Variants in MYO6 observed in about 807,000 individuals in gnomAD.
The protein encoded by MYO6 is myosin VI, also known as unconventional myosin-VI.
In MYO6, 74 loss-of-function variants were observed where a neutral mutation model predicts 178.7. That is an observed-to-expected ratio of 0.41 (90% CI 0.34 to 0.50). The LOEUF (loss-of-function observed/expected upper bound fraction) is 0.50, where lower values mean the gene tolerates loss of function less well. Ranked by LOEUF, MYO6 falls within the 20% of genes least tolerant of loss-of-function variation. The pLI, the probability that MYO6 is intolerant of heterozygous loss-of-function variation, is 0.09. For synonymous variants in MYO6, 477 were observed against 504.6 expected, an observed-to-expected ratio of 0.95 and a Z score of 0.73; for missense variants, 1,330 against 1,547.4, an observed-to-expected ratio of 0.86 and a Z score of 2.36.
intron 16 of MYO6, among the ~76,000 whole-genome samples, chr6:75,863,905 A>C (rs1363901514): frequency 1.3e-5 from 2 of 152,106 alleles, no homozygotes; most frequent in African/African-American, 4.8e-5. Flanking sequence ...CCTCTTCTGA[A>C]CCTGTCTTTT....
chr6:75,911,594 C>A, intron 32 of MYO6, 78 bp from the exon 33 acceptor site: 1 of 1,274,144 alleles, frequency 7.8e-7, no homozygotes, highest in South Asian at 1.2e-5. Context: ...GATTGGAAGG[C>A]TTTATAAATT....
chr6:75,911,693 A>G lies in MYO6; in HGVS notation c.3434A>G (p.Asn1145Ser). 1 of 1,612,238 alleles carries G rather than the reference A, an allele frequency of 6.2e-7. No homozygotes were observed. Among genetic ancestry groups the G allele is most frequent in the Non-Finnish European group, 8.5e-7 (1 of 1,178,546 alleles). ...ACAGATTTTGCACCATTTTTGAACA[A>G]TTCACGTAAGTCAATGGGTGGTAAC... Reference protein sequence around the residue: ...TDYDFAPFLNNSPQQNPAAQI... With the variant: ...TDYDFAPFLNSSPQQNPAAQI... The change falls in exon 33 of 35, where the codon AAT (asparagine) becomes AGT (serine). Residue 1145 changes from asparagine (N) to serine (S), a missense_variant. Asn to Ser is a conservative substitution (Grantham distance 46). Coordinates refer to ENST00000369977, the MANE Select transcript of MYO6 (RefSeq NM_004999.4).
chr6:75,894,129 A>G (rs1779114909), intron 28 of MYO6, among the ~76,000 whole-genome samples: 2 of 152,190 alleles, frequency 1.3e-5, no homozygotes, highest in African/African-American at 4.8e-5. Flanking sequence ...CTCATCATCA[A>G]GCTTTATATT....
chr6:75,784,776 CAAAAAAAAAA>C (rs754218278), intron 1 of MYO6, among the ~76,000 whole-genome samples: 2 of 54,408 alleles, frequency 3.7e-5, no homozygotes, highest in East Asian at 5.0e-4. Context: ...GACTCCGTCT[CAAAAAAAAAA>C]AAAAAAAAAA....
intron 6 of MYO6, among the ~76,000 whole-genome samples, chr6:75,834,440 C>T (rs1360182746): frequency 6.6e-6 from 1 of 152,128 alleles, no homozygotes; most frequent in Non-Finnish European, 1.5e-5. Context: ...GCTATGTTGT[C>T]CAGGCTGGTG....
At position 75,881,709 on chromosome 6, in the gene MYO6, C is replaced by G. The variant is rs1778042564; in HGVS notation, c.2307C>G (p.Ile769Met). Residue 769 changes from isoleucine to methionine, a missense_variant, in exon 23 of 35, where the codon ATC becomes ATG. By Grantham distance (10) the Ile-to-Met change is conservative (BLOSUM62 1). Coordinates refer to ENST00000369977, the MANE Select transcript of MYO6 (RefSeq NM_004999.4). ...CCTAGTTTGCAGAATTTGATCAGAT[C>G]ATGAAGTCTGACCCTGACCACTTAG... is the stretch of plus-strand genomic sequence containing the variant. Reference protein sequence around the residue: ...RPGKFAEFDQIMKSDPDHLAE... With the variant: ...RPGKFAEFDQMMKSDPDHLAE... 2 of 1,613,680 alleles carry G rather than the reference C, an allele frequency of 1.2e-6. No homozygotes were observed. The highest frequency in any genetic ancestry group is 1.7e-6 in the Non-Finnish European group (2 of 1,179,784).
chr6:75,767,539 T>TG (rs1778538959), intron 1 of MYO6, among the ~76,000 whole-genome samples: 1 of 149,022 alleles, frequency 6.7e-6, no homozygotes, highest in East Asian at 1.9e-4. Flanking sequence ...TTTTTTTTTT[T>TG]GAGGCAGAGT....
In MYO6 at chr6:75,915,303, T is replaced by G. The variant is rs185862455; in HGVS notation, c.*291T>G. 6.8e-6 allele frequency: 3 copies of G among 440,154 alleles called. No homozygotes were observed. The highest frequency in any genetic ancestry group is 7.2e-5 in the Admixed American group (2 of 27,828). 27.3% of individuals were successfully genotyped at this position (440,154 alleles called of 1,614,324 possible). On this transcript the variant is annotated 3_prime_UTR_variant, in exon 35 of 35. Coordinates refer to ENST00000369977, the MANE Select transcript of MYO6 (RefSeq NM_004999.4). ...CTCATCCTTTGCCAGAAGACTACCT[T>G]ACATCCATCGTAATTGTTCTCTAGG... is the stretch of plus-strand genomic sequence containing the variant.
intron 1 of MYO6, among the ~76,000 whole-genome samples, chr6:75,787,935 T>A (rs916645437): frequency 6.6e-6 from 1 of 150,454 alleles, no homozygotes; most frequent in Non-Finnish European, 1.5e-5. Context: ...AATTTTTATG[T>A]CTTTTGTAGA....
rs371944427 is a variant in MYO6, at chr6:75,862,680, C to T, written c.1631C>T (p.Thr544Ile). The T allele has an allele frequency of 5.9e-5, 95 of 1,613,984 alleles. No homozygotes were observed. Among genetic ancestry groups the T allele is most frequent in the Admixed American group, 2.0e-4 (12 of 60,002 alleles). ...CCCCAGCCAAGTGATCAACACTTTACATCTGCAGTTCACCAAAAGCACAAG... is the reference window on the plus strand; with the variant it reads ...CCCCAGCCAAGTGATCAACACTTTATATCTGCAGTTCACCAAAAGCACAAG... ...RLPQPSDQHF[T>I]SAVHQKHKDH... The change falls in exon 16 of 35, where the codon ACA becomes ATA. Residue 544 changes from threonine to isoleucine, a missense_variant. Around this residue, in one of 3 missense-constraint regions of MYO6, gnomAD observed 613 missense variants for 816.8 expected, o/e 0.75. Coordinates refer to ENST00000369977, the MANE Select transcript of MYO6 (RefSeq NM_004999.4).
At chr6:75,773,299 C>T (rs954404905) in intron 1 of MYO6, among the ~76,000 whole-genome samples, 7 of 152,194 alleles carry the variant, frequency 4.6e-5, no homozygotes. Context: ...ACACTCAACT[C>T]TGCAGCTGAA....
At chr6:75,908,919 A>T (rs1780553827) in intron 32 of MYO6, among the ~76,000 whole-genome samples, 1 of 152,234 alleles carries the variant, frequency 6.6e-6, no homozygotes, top group East Asian at 1.9e-4. Flanking sequence ...ACACGTGCAC[A>T]CACTCACAAG....
chr6:75,864,117 G>T (rs559332537), intron 16 of MYO6, among the ~76,000 whole-genome samples: 1 of 152,242 alleles, frequency 6.6e-6, no homozygotes, highest in Non-Finnish European at 1.5e-5. Flanking sequence ...AAGAAAAGCC[G>T]TTTAGAGTTG....
At chr6:75,896,393 C>T (rs543933743) in intron 29 of MYO6, among the ~76,000 whole-genome samples, 7 of 152,318 alleles carry the variant, frequency 4.6e-5, no homozygotes, top group South Asian at 2.1e-4. Flanking sequence ...AGAATCACCA[C>T]GAATGCTGTA....
At chr6:75,858,114 A>C (rs763582392) in intron 13 of MYO6, among the ~76,000 whole-genome samples, 4 of 152,114 alleles carry the variant, frequency 2.6e-5, no homozygotes, top group Non-Finnish European at 4.4e-5. Context: ...AGCATAACAC[A>C]TACAAAGGAT....
At chr6:75,843,398 C>T (rs1302749107) in intron 9 of MYO6, among the ~76,000 whole-genome samples, 1 of 152,142 alleles carries the variant, frequency 6.6e-6, no homozygotes, top group Non-Finnish European at 1.5e-5. Flanking sequence ...AATATTTCTG[C>T]ACATGTTTCT....
intron 29 of MYO6, among the ~76,000 whole-genome samples, chr6:75,897,034 G>A (rs149907610): frequency 2.6e-5 from 4 of 152,344 alleles, no homozygotes; most frequent in Non-Finnish European, 5.9e-5. Flanking sequence ...TAATGCATCA[G>A]TAGAGATTGC....
At chr6:75,846,342 GT>G (rs773308726) in intron 10 of MYO6, among the ~76,000 whole-genome samples, 14 of 151,834 alleles carry the variant, frequency 9.2e-5, no homozygotes, top group Admixed American at 2.6e-4. Flanking sequence ...ATAATAGTCA[GT>G]TTTTAATGCT....
intron 1 of MYO6, among the ~76,000 whole-genome samples, chr6:75,805,002 C>CATATATATATATAT (rs749031242): frequency 8.3e-4 from 53 of 63,958 alleles, no homozygotes; most frequent in East Asian, 2.0e-3. Flanking sequence ...TACACACACA[C>CATATATATATATAT]ATATATATAT....
Sources: allele counts gnomAD v4.1 joint callset (sites outside exome capture counted in the v4.1 genomes callset), GRCh38; gene constraint gnomAD v4.1.1; regional missense constraint gnomAD v4.1.1; transcripts MANE v1.5; gene names NCBI Gene and HGNC (gene_info 2026-07-23, HGNC 2026-07-21).